The following RFX2 variants were observed in gnomAD, a reference collection of about 807,000 sequenced individuals.
RFX2 encodes DNA-binding protein RFX2.
In RFX2, 20 loss-of-function variants were observed where a neutral mutation model predicts 87.8. The ratio of observed to expected loss-of-function variants is 0.23; its 90% CI spans 0.16 to 0.33. The LOEUF is 0.33. RFX2 is among the 10% of genes least tolerant of loss of function. The pLI is 1.00. For synonymous variants in RFX2, 397 were observed against 431.3 expected (o/e 0.92, Z 0.98); for missense variants, 767 against 1,012.3 (o/e 0.76, Z 3.29).
intron 2 of RFX2, among the ~76,000 whole-genome samples, chr19:6,046,605 C>CTTTTTTTTTTT (rs55854937): frequency 2.2e-5 from 2 of 90,564 alleles, no homozygotes; most frequent in Non-Finnish European, 4.6e-5. Flanking sequence ...GCCTTTTTGC[C>CTTTTTTTTTTT]TTTTTTTTTT....
chr19:6,073,725 T>C (rs1249743146), intron 1 of RFX2, among the ~76,000 whole-genome samples: 1 of 152,170 alleles, frequency 6.6e-6, no homozygotes, highest in Non-Finnish European at 1.5e-5. Flanking sequence ...AAGACACAGT[T>C]GCATTTCTGT....
chr19:6,080,401 G>C (rs2087763002), intron 1 of RFX2, among the ~76,000 whole-genome samples: 1 of 152,176 alleles, frequency 6.6e-6, no homozygotes, highest in Non-Finnish European at 1.5e-5. Context: ...GGATTCTAAG[G>C]TGAGCAGGTC....
chr19:6,028,083 A>G (rs1489279194), intron 5 of RFX2, among the ~76,000 whole-genome samples: 1 of 152,160 alleles, frequency 6.6e-6, no homozygotes, highest in Non-Finnish European at 1.5e-5. Context: ...TTAAAAGTTA[A>G]ATGTATTATT....
intron 1 of RFX2, among the ~76,000 whole-genome samples, chr19:6,077,270 T>C (rs948482405): frequency 1.3e-5 from 2 of 152,228 alleles, no homozygotes; most frequent in African/African-American, 4.8e-5. Context: ...ATCATTAACC[T>C]GGTGGCTTTG....
rs1028030982 is a variant in RFX2, at chr19:6,002,431, A to T, written c.1650+290T>A. On this transcript the variant is annotated intron_variant, in intron 14 of 17. Transcript: ENST00000303657. The surrounding 1 kb of genome is among the most constrained non-coding windows in gnomAD (Gnocchi z 6.7). The stretch of plus-strand genomic sequence containing the variant: ...AGGGGACAGAGCCAGGAAAATGGCC[A>T]CAGGGAGGTCAACGTGGTGCCACGA... Among the ~76,000 whole-genome samples the T allele has an allele frequency of 6.6e-6, 1 of 152,258 alleles. No individual in the cohort carries two copies. Among genetic ancestry groups the T allele is most frequent in the Admixed American group, 6.5e-5 (1 of 15,294 alleles).
At chr19:6,008,319 T>A in intron 9 of RFX2, 95 bp from the exon 10 acceptor site, 1 of 648,000 alleles carries the variant, frequency 1.5e-6, no homozygotes, top group East Asian at 2.8e-5. Flanking sequence ...CAGAAACAGA[T>A]GTTCTGCCCC....
In RFX2 at chr19:5,997,299, C is replaced by A; in HGVS notation, c.1860-86G>T. ...CCAGACTTCATGGCAGCAACACACC[C>A]CCTGCTCTACGTTCCCTGGGGAACC... On this transcript the variant is annotated intron_variant, in intron 15 of 17. Coordinates refer to ENST00000303657, the MANE Select transcript of RFX2 (RefSeq NM_000635.4). The surrounding 1 kb of genome is among the most constrained non-coding windows in gnomAD (Gnocchi z 4.2). 7.2e-7 allele frequency: 1 copy of A among 1,383,106 alleles called. No individual in the cohort carries two copies. The highest frequency in any genetic ancestry group is 9.6e-7 in the Non-Finnish European group (1 of 1,038,854). The allele number at this position is 1,383,106 out of a possible 1,614,324, so 85.7% of individuals were successfully genotyped here.
chr19:6,084,254 C>A (rs2087824643), intron 1 of RFX2, among the ~76,000 whole-genome samples: 1 of 152,208 alleles, frequency 6.6e-6, no homozygotes, highest in Non-Finnish European at 1.5e-5. Flanking sequence ...TTTAGCAGGA[C>A]AGCGTAGGGA....
chr19:6,049,591 G>A (rs1311557870), intron 1 of RFX2, among the ~76,000 whole-genome samples: 3 of 152,164 alleles, frequency 2.0e-5, no homozygotes, highest in African/African-American at 7.2e-5. Context: ...CCAGGCTGGA[G>A]TGCAATGGCA....
chr19:6,036,099 GA>G (rs1355224097), intron 5 of RFX2, among the ~76,000 whole-genome samples: 1 of 152,084 alleles, frequency 6.6e-6, no homozygotes, highest in African/African-American at 2.4e-5. Flanking sequence ...GTTATAAGTT[GA>G]TGCCGTTTGC....
In RFX2 at chr19:6,023,692, GAA is replaced by G. The variant is rs1568511864; in HGVS notation, c.597+2469_597+2470del. ...AATCTTCATCGGGGAAGCGACCTGAGAAAGTCTGCCTTTCGGATGAAGTGTTA... is the reference window on the plus strand; with the variant it reads ...AATCTTCATCGGGGAAGCGACCTGAGAGTCTGCCTTTCGGATGAAGTGTTA... On this transcript the variant is annotated intron_variant, in intron 6 of 17. Transcript: ENST00000303657. The surrounding 1 kb of genome is among the most constrained non-coding windows in gnomAD (Gnocchi z 4.9). Among the ~76,000 whole-genome samples, 3 of 152,290 alleles carry G rather than the reference GAA, an allele frequency of 2.0e-5. No homozygotes were observed. Among genetic ancestry groups the G allele is most frequent in the South Asian group, 4.1e-4 (2 of 4,828 alleles).
Position 6,012,418 on chromosome 19 carries a change from G to C in RFX2, c.899+568C>G, listed in dbSNP as rs769664434. Among the ~76,000 whole-genome samples, 1 of 152,226 alleles carries C rather than the reference G, an allele frequency of 6.6e-6. No homozygotes were observed. Among genetic ancestry groups the C allele is most frequent in the African/African-American group, 2.4e-5 (1 of 41,460 alleles). On this transcript the variant is annotated intron_variant, in intron 8 of 17. Coordinates refer to ENST00000303657, the MANE Select transcript of RFX2 (RefSeq NM_000635.4). The surrounding 1 kb of genome is among the most constrained non-coding windows in gnomAD (Gnocchi z 4.6). ...AGAGGTTGCTGCAGACTGGGGTGGG[G>C]AGGGAAAGCTGGGTAGGCAGAACAT... is the stretch of plus-strand genomic sequence containing the variant.
intron 5 of RFX2, among the ~76,000 whole-genome samples, chr19:6,038,345 A>AAG (rs1443575403): frequency 2.7e-5 from 4 of 150,724 alleles, no homozygotes; most frequent in Non-Finnish European, 5.9e-5. Flanking sequence ...AAAAAAAAAA[A>AAG]AAAAAAACCC....
At chr19:6,005,574 G>A (rs2086569452) in intron 12 of RFX2, among the ~76,000 whole-genome samples, 1 of 152,216 alleles carries the variant, frequency 6.6e-6, no homozygotes, top group Admixed American at 6.5e-5. Flanking sequence ...AAGGGCACGA[G>A]TGATCTCTGC....
Position 6,001,137 on chromosome 19 carries a change from C to T in RFX2, c.1859+678G>A, listed in dbSNP as rs1327131507. On this transcript the variant is annotated intron_variant, in intron 15 of 17. Transcript: ENST00000303657. This position sits in a 1 kb window ranked among gnomAD's most constrained non-coding sequence, Gnocchi z 5.6. ...GCCTTCTGGGTTTCTGCACATTGTT[C>T]GGAAGTCTAATGCTGCTCCCATCCC... Among the ~76,000 whole-genome samples, 3 of 152,190 alleles carry T rather than the reference C, an allele frequency of 2.0e-5. No individual in the cohort carries two copies. Among genetic ancestry groups the T allele is most frequent in the Admixed American group, 6.5e-5 (1 of 15,280 alleles).
intron 1 of RFX2, among the ~76,000 whole-genome samples, chr19:6,091,141 C>G (rs550769487): frequency 6.6e-6 from 1 of 152,220 alleles, no homozygotes; most frequent in African/African-American, 2.4e-5. Context: ...GATGGCTTCA[C>G]AACACTGTGA....
rs1351916743 is a variant in RFX2 at position 5,997,774 on chromosome 19, C to T, written c.1860-561G>A. On this transcript the variant is annotated intron_variant, in intron 15 of 17. Coordinates refer to ENST00000303657, the MANE Select transcript of RFX2 (RefSeq NM_000635.4). This position sits in a 1 kb window ranked among gnomAD's most constrained non-coding sequence, Gnocchi z 4.2. ...CAGAGACTTCAGCCCAGATCCAGTC[C>T]GCGTCCAGCCCTCAGCCTGTGTGCT... 2.6e-5 allele frequency among the ~76,000 whole-genome samples: 4 copies of T among 152,146 alleles called. No homozygotes were observed. The highest frequency in any genetic ancestry group is 2.1e-4 in the South Asian group (1 of 4,824).
chr19:6,083,733 G>A lies in RFX2; in HGVS notation c.-9+26660C>T, dbSNP rs796222784. Among the ~76,000 whole-genome samples the A allele has an allele frequency of 1.1e-4, 16 of 151,868 alleles. No homozygotes were observed. The highest frequency in any genetic ancestry group is 3.6e-4 in the African/African-American group (15 of 41,396). On this transcript the variant is annotated intron_variant, in intron 1 of 17. Coordinates refer to ENST00000303657, the MANE Select transcript of RFX2 (RefSeq NM_000635.4). The surrounding 1 kb of genome is among the most constrained non-coding windows in gnomAD (Gnocchi z 4.6). ...ACCACAGGTATGTGCCACCATGCCC[G>A]GGTAATTTTTTAATTTTTTGTACAG... is the stretch of plus-strand genomic sequence containing the variant.
At position 6,022,276 on chromosome 19, in the gene RFX2, A is replaced by G. The variant is rs530613690; in HGVS notation, c.597+3887T>C. On this transcript the variant is annotated intron_variant, in intron 6 of 17. Coordinates refer to ENST00000303657, the MANE Select transcript of RFX2 (RefSeq NM_000635.4). This position sits in a 1 kb window ranked among gnomAD's most constrained non-coding sequence, Gnocchi z 6.2. The stretch of plus-strand genomic sequence containing the variant: ...AGGAGCTGCCGGCTCTAGCAACCCC[A>G]CTGTGGCCTGCAGGACAGCACGGCC... 2.0e-4 allele frequency among the ~76,000 whole-genome samples: 30 copies of G among 152,202 alleles called. No homozygotes were observed. The highest frequency in any genetic ancestry group is 2.4e-4 in the Non-Finnish European group (16 of 68,020).
Sources: gnomAD v4.1 joint callset for allele counts (sites outside exome capture counted in the v4.1 genomes callset) on GRCh38, gnomAD v4.1.1 for gene constraint, Gnocchi (gnomAD v3.1) non-coding constraint, MANE v1.5 for transcripts, NCBI Gene and HGNC (gene_info 2026-07-23, HGNC 2026-07-21) for gene names.